CTNS: variants seen among roughly 807,000 people sequenced by gnomAD.
CTNS encodes the protein cystinosin.
A neutral mutation model predicts 43.7 loss-of-function variants in CTNS; 27 were observed. That is an observed-to-expected ratio of 0.62 (90% CI 0.46 to 0.85). CTNS has a LOEUF of 0.85. CTNS is among the 40% of genes least tolerant of loss of function. The pLI is 0.00. For missense variants in CTNS, 457 were observed against 475.4 expected (o/e 0.96, Z 0.36); for synonymous variants, 187 against 190.6 (o/e 0.98, Z 0.16).
intron 5 of CTNS, among the ~76,000 whole-genome samples, chr17:3,652,773 T>C (rs1259335576): frequency 1.3e-5 from 2 of 151,460 alleles, no homozygotes; most frequent in Non-Finnish European, 2.9e-5. Flanking sequence ...GAATATCTGT[T>C]AAAAATAAGA....
Position 3,660,354 on chromosome 17 carries a change from T to C in CTNS, c.1089T>C (p.Tyr363=), listed in dbSNP as rs371237992. ...HFCLYRKRPG[Y]DQLN The stretch of plus-strand genomic sequence containing the variant: ...GTTTGTACAGAAAGAGACCGGGGTA[T>C]GACCAGCTGAACTAGCACCCAGGGA... Residue 363 remains tyrosine (Y), a synonymous_variant, in exon 12 of 12, where the codon TAT becomes TAC. Coordinates refer to ENST00000046640, the MANE Select transcript of CTNS (RefSeq NM_004937.3). 2 of 1,614,092 alleles carry C rather than the reference T, an allele frequency of 1.2e-6. No homozygotes were observed. Among genetic ancestry groups the C allele is most frequent in the African/African-American group, 1.3e-5 (1 of 74,956 alleles).
chr17:3,642,319 A>G (rs1351573671), intron 3 of CTNS, among the ~76,000 whole-genome samples: 1 of 152,138 alleles, frequency 6.6e-6, no homozygotes, highest in Non-Finnish European at 1.5e-5. Context: ...TCACACAGCT[A>G]GAAAGTAACA....
intron 5 of CTNS, among the ~76,000 whole-genome samples, chr17:3,651,513 C>T (rs759595957): frequency 6.6e-6 from 1 of 152,168 alleles, no homozygotes; most frequent in African/African-American, 2.4e-5. Flanking sequence ...CAGTGACCCT[C>T]GGGGCCAGCG....
chr17:3,649,101 G>A (rs1447398533), intron 5 of CTNS, among the ~76,000 whole-genome samples, 170 bp downstream of exon 5: 2 of 152,188 alleles, frequency 1.3e-5, no homozygotes, highest in Non-Finnish European at 2.9e-5. Flanking sequence ...CATGCCATTA[G>A]ATGGAATTAA....
intron 2 of CTNS, among the ~76,000 whole-genome samples, chr17:3,639,443 G>GCGCC (rs1432784270): frequency 6.6e-6 from 1 of 152,030 alleles, no homozygotes; most frequent in Non-Finnish European, 1.5e-5. Flanking sequence ...TGAGGCGGGC[G>GCGCC]GATCACTCGA....
At chr17:3,650,245 A>T in intron 5 of CTNS, 1 of 1,550,582 alleles carries the variant, frequency 6.4e-7, no homozygotes, top group East Asian at 2.4e-5. Context: ...ATGGGCTGCA[A>T]ATCAGCTCTG....
intron 5 of CTNS, among the ~76,000 whole-genome samples, chr17:3,653,269 T>C (rs455984): frequency 0.89 from 134,452 of 151,874 alleles, 61,637 homozygotes; most frequent in Non-Finnish European, 1. Flanking sequence ...AAAAATTAGC[T>C]GGGTATGGTT....
chr17:3,660,054 A>G (rs1321991085), intron 11 of CTNS, 79 bp downstream of exon 11: 5 of 1,458,244 alleles, frequency 3.4e-6, no homozygotes, highest in Admixed American at 3.4e-5. Context: ...CCTTCCAGCC[A>G]GGGCTCCACC....
At chr17:3,650,850 T>G (rs963456474) in intron 5 of CTNS, among the ~76,000 whole-genome samples, 1 of 152,216 alleles carries the variant, frequency 6.6e-6, no homozygotes, top group Non-Finnish European at 1.5e-5. Flanking sequence ...TCGCCCAGGT[T>G]GGAGTAAAGT....
Position 3,660,547 on chromosome 17 carries a change from G to GC in CTNS, c.*182dup. ...CATTCAATAGCCTGCCTTCGTCCGG[G>GC]CCCCTCCTGGGCCTCCCCGGCCAGG... On this transcript the variant is annotated 3_prime_UTR_variant, in exon 12 of 12. Coordinates refer to ENST00000046640, the MANE Select transcript of CTNS (RefSeq NM_004937.3). 1 of 1,612,758 alleles carries GC rather than the reference G, an allele frequency of 6.2e-7. No homozygotes were observed. The highest frequency in any genetic ancestry group is 8.5e-7 in the Non-Finnish European group (1 of 1,179,980).
intron 5 of CTNS, 117 bp downstream of exon 5, chr17:3,649,048 C>A: frequency 1.1e-6 from 1 of 871,834 alleles, no homozygotes; most frequent in Non-Finnish European, 1.9e-6. Flanking sequence ...ACCTAGAAAT[C>A]TGTGATTTTG....
chr17:3,650,540 C>T (rs2075954559), intron 5 of CTNS: 1 of 506,864 alleles, frequency 2.0e-6, no homozygotes, highest in Admixed American at 3.6e-5. Context: ...GAGAGGGGAT[C>T]TCGGAGTGTC....
At chr17:3,647,594 C>G (rs2075875149) in intron 4 of CTNS, 72 bp downstream of exon 4, 1 of 1,337,784 alleles carries the variant, frequency 7.5e-7, no homozygotes, top group East Asian at 2.3e-5. Flanking sequence ...TGACCCCTGG[C>G]TCAGTCTGTT....
At chr17:3,654,905 C>T (rs913965026) in intron 5 of CTNS, 93 bp from the exon 6 acceptor site, 10 of 924,374 alleles carry the variant, frequency 1.1e-5, no homozygotes, top group Non-Finnish European at 1.6e-5. Flanking sequence ...TGGTGCGTCC[C>T]TCCGTTCCCT....
chr17:3,645,235 AAGGGACTGCCTTTT>A (rs2075817114), intron 3 of CTNS, among the ~76,000 whole-genome samples: 1 of 152,030 alleles, frequency 6.6e-6, no homozygotes, highest in African/African-American at 2.4e-5. Flanking sequence ...CCACATAAGG[AAGGGACTGCCTTTT>A]GCCGCTCTGA....
In CTNS at chr17:3,658,003, A is replaced by G; in HGVS notation, c.682-2A>G. On this transcript the variant is annotated splice_acceptor_variant, in intron 9 of 11. Coordinates refer to ENST00000046640, the MANE Select transcript of CTNS (RefSeq NM_004937.3). LOFTEE classifies it high-confidence loss of function. ...ACATCTCTGCCCTCCTCTCGCCCCC[A>G]GCGCGGTGGCCAGCGCGTGTCCTGG... is the stretch of plus-strand genomic sequence containing the variant. The G allele has an allele frequency of 6.2e-7, 1 of 1,608,512 alleles. No individual in the cohort carries two copies. The highest frequency in any genetic ancestry group is 1.1e-5 in the South Asian group (1 of 90,994).
rs990802797 is a variant in CTNS, at chr17:3,660,831, G to A, written c.*462G>A. 4.9e-5 allele frequency: 77 copies of A among 1,569,232 alleles called. No homozygotes were observed. The highest frequency in any genetic ancestry group is 6.4e-5 in the Non-Finnish European group (74 of 1,155,682). ...CGTGGCCAGTGAACTCAGAGGTGCTGGTGGACGGGCTAGGACTTTGGGGTT... is the reference window on the plus strand; with the variant it reads ...CGTGGCCAGTGAACTCAGAGGTGCTAGTGGACGGGCTAGGACTTTGGGGTT... On this transcript the variant is annotated 3_prime_UTR_variant, in exon 12 of 12. Transcript: ENST00000046640.
In CTNS at chr17:3,660,571, G is replaced by C; in HGVS notation, c.*202G>C. ...GGCCCCTCCTGGGCCTCCCCGGCCA[G>C]GCACGTGGCACCGTCGCCTTGACAC... On this transcript the variant is annotated 3_prime_UTR_variant, in exon 12 of 12. Coordinates refer to ENST00000046640, the MANE Select transcript of CTNS (RefSeq NM_004937.3). The C allele has an allele frequency of 2.5e-6, 4 of 1,613,152 alleles. No homozygotes were observed. Among genetic ancestry groups the C allele is most frequent in the Non-Finnish European group, 3.4e-6 (4 of 1,179,998 alleles).
At chr17:3,659,622 G>T (rs79999227) in intron 10 of CTNS, among the ~76,000 whole-genome samples, 5 of 152,234 alleles carry the variant, frequency 3.3e-5, no homozygotes, top group East Asian at 1.9e-4. Flanking sequence ...TGTGAGGTGT[G>T]GGGGGTGCGG....
Sources: gnomAD v4.1 joint callset for allele counts (sites outside exome capture counted in the v4.1 genomes callset) on GRCh38, gnomAD v4.1.1 for gene constraint, MANE v1.5 for transcripts, NCBI Gene and HGNC (gene_info 2026-07-23, HGNC 2026-07-21) for gene names.